GLIS3: variants seen among roughly 807,000 people sequenced by gnomAD.
The protein encoded by GLIS3 is GLIS family zinc finger 3.
GLIS3 carries 53 observed loss-of-function variants against 78.6 expected under a neutral mutation model. The ratio of observed to expected loss-of-function variants is 0.67; its 90% CI spans 0.54 to 0.85. The LOEUF (loss-of-function observed/expected upper bound fraction) is 0.85. Ranked by LOEUF, GLIS3 falls within the 40% of genes least tolerant of loss-of-function variation. The pLI, the probability that GLIS3 is intolerant of heterozygous loss-of-function variation, is 0.00. For synonymous variants in GLIS3, 684 were observed against 509.9 expected, an observed-to-expected ratio of 1.34 and a Z score of -4.60; for missense variants, 1,703 against 1,231.1, an observed-to-expected ratio of 1.38 and a Z score of -5.74.
At chr9:3,882,884 C>A (rs984730734) in intron 7 of GLIS3, among the ~76,000 whole-genome samples, 1 of 152,190 alleles carries the variant, frequency 6.6e-6, no homozygotes, top group Non-Finnish European at 1.5e-5. Flanking sequence ...GAAAATCTTA[C>A]TTCTGGTGAG....
the GLIS3 span, chr9:4,386,457 A>G: frequency 1.3e-5 from 2 of 152,092 alleles, no homozygotes; most frequent in Non-Finnish European, 1.5e-5. Context: ...TTGTGCAAGG[A>G]GCATGTTAAT....
chr9:4,267,971 GTGTGTA>G (rs1826168587), intron 2 of GLIS3, among the ~76,000 whole-genome samples: 1 of 151,450 alleles, frequency 6.6e-6, no homozygotes, highest in African/African-American at 2.4e-5. Context: ...GTGTGTGTGT[GTGTGTA>G]TGTGCATGTG....
At chr9:3,963,549 A>G (rs1817720709) in intron 4 of GLIS3, among the ~76,000 whole-genome samples, 1 of 152,188 alleles carries the variant, frequency 6.6e-6, no homozygotes, top group African/African-American at 2.4e-5. Flanking sequence ...AGCCAGAGTA[A>G]AAGTCAGCTC....
chr9:4,365,342 G>C, the GLIS3 span, among the ~76,000 whole-genome samples: 1 of 152,120 alleles, frequency 6.6e-6, no homozygotes, highest in Admixed American at 6.5e-5. Context: ...TGGATCATGA[G>C]GTCAGGAGTT....
chr9:3,862,076 G>C (rs1820249030), intron 8 of GLIS3, among the ~76,000 whole-genome samples: 1 of 152,144 alleles, frequency 6.6e-6, no homozygotes, highest in South Asian at 2.1e-4. Flanking sequence ...GGAGTATCCT[G>C]AGTCCACAAA....
chr9:4,439,595 C>G, the GLIS3 span, among the ~76,000 whole-genome samples: 1 of 152,216 alleles, frequency 6.6e-6, no homozygotes, highest in Non-Finnish European at 1.5e-5. Context: ...ACCCCAGTTT[C>G]TGGTAAACAC....
intron 2 of GLIS3, among the ~76,000 whole-genome samples, chr9:4,232,407 G>GA (rs200860901): frequency 1.6e-4 from 22 of 137,074 alleles, no homozygotes; most frequent in Non-Finnish European, 1.1e-4. Flanking sequence ...AAAAAGAAAA[G>GA]AAAAAAAAAG....
chr9:4,054,263 G>T, intron 4 of GLIS3: 1 of 856,174 alleles, frequency 1.2e-6, no homozygotes, highest in Non-Finnish European at 1.4e-6. Flanking sequence ...CACGGTCACT[G>T]CTCTATTCTC....
chr9:4,242,407 A>C (rs1393981631), intron 2 of GLIS3, among the ~76,000 whole-genome samples: 1 of 152,136 alleles, frequency 6.6e-6, no homozygotes, highest in East Asian at 1.9e-4. Flanking sequence ...AATTCCCTTT[A>C]TTCAGGGCTC....
Position 4,117,980 on chromosome 9 carries a change from G to A in GLIS3, c.1498C>T (p.His500Tyr). ...CTGCAGTCGATCCAGCGGCAGCAAT[G>A]CTTGCCCCCGATGCCGTCCATCTCC... ...DGEMDGIGGKHCCRWIDCSAL... is the reference protein window; with the variant it reads ...DGEMDGIGGKYCCRWIDCSAL... The change falls in exon 4 of 11, where the codon CAT (histidine) becomes TAT (tyrosine). Residue 500 changes from histidine (H) to tyrosine (Y), a missense_variant. Transcript: ENST00000381971. 1.2e-6 allele frequency: 2 copies of A among 1,612,832 alleles called. No individual in the cohort carries two copies. The highest frequency in any genetic ancestry group is 1.7e-6 in the Non-Finnish European group (2 of 1,179,714).
At chr9:4,095,207 A>G (rs1829846342) in intron 4 of GLIS3, among the ~76,000 whole-genome samples, 1 of 152,106 alleles carries the variant, frequency 6.6e-6, no homozygotes, top group South Asian at 2.1e-4. Flanking sequence ...CCCAGCCTCT[A>G]GTATTCTCTG....
At chr9:4,031,118 A>G (rs919516121) in intron 4 of GLIS3, among the ~76,000 whole-genome samples, 1 of 152,202 alleles carries the variant, frequency 6.6e-6, no homozygotes, top group Non-Finnish European at 1.5e-5. Flanking sequence ...TAGAATTACT[A>G]TATGACCCGA....
At chr9:3,867,222 A>G (rs1369331135) in intron 8 of GLIS3, among the ~76,000 whole-genome samples, 1 of 152,178 alleles carries the variant, frequency 6.6e-6, no homozygotes, top group African/African-American at 2.4e-5. Flanking sequence ...CAGTTTAGCA[A>G]TGTTGTTTTG....
intron 4 of GLIS3, among the ~76,000 whole-genome samples, chr9:3,971,330 T>C (rs1818368377): frequency 6.6e-6 from 1 of 152,162 alleles, no homozygotes; most frequent in African/African-American, 2.4e-5. Context: ...GCTTTAATGG[T>C]GTCACTGGCA....
At chr9:4,015,845 C>A (rs1054735249) in intron 4 of GLIS3, among the ~76,000 whole-genome samples, 1 of 144,890 alleles carries the variant, frequency 6.9e-6, no homozygotes, top group Non-Finnish European at 1.5e-5. Context: ...GCTGAGATCA[C>A]GCCATTGCAC....
chr9:3,884,736 T>A (rs914980186), intron 7 of GLIS3, among the ~76,000 whole-genome samples: 9 of 152,180 alleles, frequency 5.9e-5, no homozygotes, highest in Admixed American at 3.3e-4. Flanking sequence ...TGGTTCCTGG[T>A]TAAGTTACCT....
At chr9:4,170,174 C>T (rs924411374) in intron 2 of GLIS3, among the ~76,000 whole-genome samples, 1 of 152,102 alleles carries the variant, frequency 6.6e-6, no homozygotes, top group East Asian at 1.9e-4. Flanking sequence ...TGAGTTAAAG[C>T]GATCTGAAGA....
chr9:4,201,781 C>T (rs1436048790), intron 2 of GLIS3, among the ~76,000 whole-genome samples: 1 of 152,182 alleles, frequency 6.6e-6, no homozygotes, highest in African/African-American at 2.4e-5. Flanking sequence ...TCTACAGATT[C>T]AGTGCTATTC....
intron 2 of GLIS3, among the ~76,000 whole-genome samples, chr9:4,255,332 A>G (rs1326545191): frequency 2.0e-5 from 3 of 152,148 alleles, no homozygotes; most frequent in African/African-American, 7.2e-5. Flanking sequence ...ATATATCCTT[A>G]CCATATGTCC....
Sources: allele counts gnomAD v4.1 joint callset (sites outside exome capture counted in the v4.1 genomes callset), GRCh38; gene constraint gnomAD v4.1.1; transcripts MANE v1.5; gene names NCBI Gene and HGNC (gene_info 2026-07-23, HGNC 2026-07-21).